SLC14A2: variants seen among roughly 807,000 people sequenced by gnomAD.
SLC14A2 encodes solute carrier family 14 member 2, also known as urea transporter 2.
A neutral mutation model predicts 104.6 loss-of-function variants in SLC14A2; 91 were observed. The observed-to-expected ratio is 0.87, with a 90% CI of 0.73 to 1.04. The LOEUF is 1.04. Ranked by LOEUF, SLC14A2 falls within the 50% of genes least tolerant of loss-of-function variation. The pLI is 0.00. For missense variants in SLC14A2, 1,189 were observed against 1,156.0 expected, an observed-to-expected ratio of 1.03 and a Z score of -0.41; for synonymous variants, 476 against 466.4, an observed-to-expected ratio of 1.02 and a Z score of -0.27.
chr18:45,274,851 G>A (rs1242035756), intron 1 of SLC14A2, among the ~76,000 whole-genome samples: 1 of 152,304 alleles, frequency 6.6e-6, no homozygotes, highest in East Asian at 1.9e-4. Flanking sequence ...CCTAGAGAAC[G>A]TGATTTTTGG....
intron 2 of SLC14A2, among the ~76,000 whole-genome samples, chr18:45,521,340 A>T (rs149965976): frequency 7.9e-5 from 12 of 152,316 alleles, no homozygotes; most frequent in African/African-American, 2.9e-4. Flanking sequence ...TGTGCTAAGG[A>T]CTACTGGGAA....
In SLC14A2 at chr18:45,635,577, T is replaced by A. The variant is rs138485770; in HGVS notation, c.651-1413T>A. On this transcript the variant is annotated intron_variant, in intron 5 of 19. Coordinates refer to ENST00000255226, the MANE Select transcript of SLC14A2 (RefSeq NM_007163.4). ...GACAAGAGCCATTTCCATGGTGTAA[T>A]GAGGGCACACACCTGACTGAAGTGG... Among the ~76,000 whole-genome samples, 276 of 152,230 alleles carry A rather than the reference T, an allele frequency of 1.8e-3. 2 individuals carry two copies. Among genetic ancestry groups the A allele is most frequent in the Admixed American group, 3.5e-3 (54 of 15,284 alleles).
rs748003397 is a variant in SLC14A2, at chr18:45,643,973, C to T, written c.1177-13C>T. 1 of 1,612,684 alleles carries T rather than the reference C, an allele frequency of 6.2e-7. No homozygotes were observed. ...TAGGAAACTTCTTCAGTCCCCAATG[C>T]TTTTGTTTCCAGGTGGGCGTGCCAC... On this transcript the variant is annotated splice_polypyrimidine_tract_variant and intron_variant, in intron 9 of 19. Transcript: ENST00000255226.
chr18:45,396,219 T>C (rs1391283529), intron 1 of SLC14A2, among the ~76,000 whole-genome samples: 1 of 152,210 alleles, frequency 6.6e-6, no homozygotes, highest in Non-Finnish European at 1.5e-5. Context: ...CTTTGTCATA[T>C]ACTGAGACTT....
intron 1 of SLC14A2, among the ~76,000 whole-genome samples, chr18:45,332,777 C>A (rs897095686): frequency 4.6e-5 from 7 of 152,114 alleles, no homozygotes; most frequent in African/African-American, 1.7e-4. Flanking sequence ...AAGTCCAGAG[C>A]TTAGATTGAA....
intron 1 of SLC14A2, among the ~76,000 whole-genome samples, chr18:45,305,945 A>G (rs2085016857): frequency 6.6e-6 from 1 of 152,240 alleles, no homozygotes; most frequent in African/African-American, 2.4e-5. Context: ...CCAAACTTTA[A>G]TTAGGGAGCA....
At chr18:45,334,002 T>C (rs2085314205) in intron 1 of SLC14A2, among the ~76,000 whole-genome samples, 1 of 152,240 alleles carries the variant, frequency 6.6e-6, no homozygotes, top group South Asian at 2.1e-4. Flanking sequence ...GACATTAGTC[T>C]CAGTTTCTTC....
At chr18:45,392,224 A>G (rs896663854) in intron 1 of SLC14A2, among the ~76,000 whole-genome samples, 2 of 152,204 alleles carry the variant, frequency 1.3e-5, no homozygotes, top group African/African-American at 4.8e-5. Context: ...AGAGAACCTC[A>G]GGACAGCTGC....
At chr18:45,182,399 T>C in the SLC14A2 span, among the ~76,000 whole-genome samples, 2 of 151,846 alleles carry the variant, frequency 1.3e-5, no homozygotes, top group African/African-American at 4.8e-5. Context: ...TCAACATTGA[T>C]TTAAAAGGAA....
rs532023670 is a variant in SLC14A2 at position 45,415,940 on chromosome 18, C to T, written c.-124-67293C>T. 4.4e-4 allele frequency among the ~76,000 whole-genome samples: 67 copies of T among 152,292 alleles called. 1 individual carries two copies. In the South Asian group the frequency reaches 7.3e-3, roughly 16 times the overall value. ...TGTACCTGTCCTGATGTGCTGTCAACAGCTGTTTGCATTGCTAACTGCGCC... is the reference window on the plus strand; with the variant it reads ...TGTACCTGTCCTGATGTGCTGTCAATAGCTGTTTGCATTGCTAACTGCGCC... On this transcript the variant is annotated intron_variant, in intron 1 of 20. Coordinates refer to the SLC14A2 transcript ENST00000586448.
intron 1 of SLC14A2, among the ~76,000 whole-genome samples, chr18:45,250,247 T>C (rs2084407486): frequency 6.6e-6 from 1 of 152,232 alleles, no homozygotes; most frequent in African/African-American, 2.4e-5. Flanking sequence ...GCTCACAGCA[T>C]TAGGTCCAGT....
At chr18:45,218,349 C>G (rs7227433) in intron 1 of SLC14A2, among the ~76,000 whole-genome samples, 18,852 of 152,210 alleles carry the variant, frequency 0.12, 1,363 homozygotes, top group African/African-American at 0.2. Flanking sequence ...AATTTACTTC[C>G]TTTTCAAGGC....
At chr18:45,642,524 G>C (rs189328635) in intron 8 of SLC14A2, among the ~76,000 whole-genome samples, 1 of 152,322 alleles carries the variant, frequency 6.6e-6, no homozygotes, top group African/African-American at 2.4e-5. Context: ...GAAGGAGAAA[G>C]AGCAAAGCTG....
At chr18:45,328,362 G>T (rs568079240) in intron 1 of SLC14A2, among the ~76,000 whole-genome samples, 1 of 152,262 alleles carries the variant, frequency 6.6e-6, no homozygotes, top group South Asian at 2.1e-4. Context: ...CAACCACAGG[G>T]CCAGAGACAG....
At chr18:45,191,917 A>G in the SLC14A2 span, among the ~76,000 whole-genome samples, 1 of 152,244 alleles carries the variant, frequency 6.6e-6, no homozygotes, top group Non-Finnish European at 1.5e-5. Flanking sequence ...AAGAGGAGTT[A>G]GGACAGCTGC....
At chr18:45,602,983 T>C (rs1362078723) in intron 2 of SLC14A2, among the ~76,000 whole-genome samples, 1 of 152,210 alleles carries the variant, frequency 6.6e-6, no homozygotes, top group African/African-American at 2.4e-5. Flanking sequence ...CCCATCAATT[T>C]AGTTAGCAAC....
intron 1 of SLC14A2, among the ~76,000 whole-genome samples, chr18:45,455,990 C>A (rs895754009): frequency 2.0e-4 from 31 of 152,238 alleles, no homozygotes; most frequent in African/African-American, 7.0e-4. Context: ...AATGAGGGTG[C>A]TGGGAGTTAG....
chr18:45,322,754 C>T (rs1430532961), intron 1 of SLC14A2, among the ~76,000 whole-genome samples: 1 of 152,188 alleles, frequency 6.6e-6, no homozygotes, highest in East Asian at 1.9e-4. Context: ...CTCAAGCCCA[C>T]ACAGCAATCT....
At chr18:45,494,913 CAT>C (rs1445442138) in intron 2 of SLC14A2, among the ~76,000 whole-genome samples, 1 of 102,288 alleles carries the variant, frequency 9.8e-6, no homozygotes, top group Non-Finnish European at 2.0e-5. Context: ...CACACACACA[CAT>C]ACACACACAC....
Sources: allele counts gnomAD v4.1 joint callset (sites outside exome capture counted in the v4.1 genomes callset), GRCh38; gene constraint gnomAD v4.1.1; transcripts MANE v1.5; gene names NCBI Gene and HGNC (gene_info 2026-07-23, HGNC 2026-07-21).